The following SLC43A3 variants were observed in gnomAD, a reference collection of about 807,000 sequenced individuals.
The protein encoded by SLC43A3 is solute carrier family 43 member 3, also known as equilibrative nucleobase transporter 1.
A neutral mutation model predicts 53.3 loss-of-function variants in SLC43A3; 33 were observed. That is an observed-to-expected ratio of 0.62 (90% CI 0.47 to 0.83). The LOEUF (loss-of-function observed/expected upper bound fraction) is 0.83, where lower values mean the gene tolerates loss of function less well. Among genes scored for constraint, SLC43A3 ranks in the 40% least tolerant of loss-of-function variants. The pLI is 0.00. For synonymous variants in SLC43A3, 236 were observed against 246.2 expected (o/e 0.96, Z 0.39); for missense variants, 530 against 610.0 (o/e 0.87, Z 1.38).
chr11:57,415,408 G>A (rs571108644), intron 9 of SLC43A3: 67 of 1,377,186 alleles, frequency 4.9e-5, no homozygotes, highest in African/African-American at 1.3e-4. Context: ...CTTTCTCAGC[G>A]AGAAAGGTGA....
intron 8 of SLC43A3, among the ~76,000 whole-genome samples, chr11:57,417,186 T>C (rs1055327478): frequency 1.8e-4 from 27 of 152,206 alleles, no homozygotes; most frequent in Non-Finnish European, 3.5e-4. Flanking sequence ...CCTCTGTATT[T>C]CCCCCAATTT....
Position 57,409,967 on chromosome 11 carries a change from G to C in SLC43A3, c.1215C>G (p.Leu405=). The change falls in exon 12 of 14, where the codon CTC becomes CTG. Residue 405 remains leucine, a synonymous_variant. Coordinates refer to ENST00000395124, the MANE Select transcript of SLC43A3 (RefSeq NM_199329.3). ...FILQVISRSF[L]YGSNAAFLTL... is the part of the protein sequence containing the mutation. Reference sequence around the variant, plus strand: ...TGAGGAAGGCCGCGTTGCTCCCATAGAGGAAGGAGCGGCTGATCACTTGCA... The same window carrying C: ...TGAGGAAGGCCGCGTTGCTCCCATACAGGAAGGAGCGGCTGATCACTTGCA... The C allele has an allele frequency of 2.5e-6, 4 of 1,613,086 alleles. No homozygotes were observed. Among genetic ancestry groups the C allele is most frequent in the Non-Finnish European group, 1.7e-6 (2 of 1,179,692 alleles).
At chr11:57,421,444 C>G (rs1942984996) in intron 5 of SLC43A3, 71 bp from the exon 6 acceptor site, 2 of 1,097,248 alleles carry the variant, frequency 1.8e-6, no homozygotes, top group Admixed American at 3.9e-5. Flanking sequence ...AACTCTGCTC[C>G]CACCTGCTCC....
chr11:57,414,532 A>AT, intron 11 of SLC43A3, 83 bp downstream of exon 11: 2 of 556,132 alleles, frequency 3.6e-6, no homozygotes, highest in East Asian at 3.6e-5. Context: ...AAAAAAAAAA[A>AT]GAGCGAGAGA....
intron 8 of SLC43A3, among the ~76,000 whole-genome samples, chr11:57,417,209 A>T (rs1942760413): frequency 6.6e-6 from 1 of 152,248 alleles, no homozygotes; most frequent in African/African-American, 2.4e-5. Context: ...ATGAGACTGC[A>T]GCTCTATTTC....
intron 13 of SLC43A3, chr11:57,408,859 C>T (rs61888921): frequency 0.26 from 79,358 of 308,416 alleles, 10,978 homozygotes; most frequent in African/African-American, 0.36. Context: ...GCACAGAGGT[C>T]CTGTCCCTGG....
chr11:57,408,124 C>T (rs968576925), intron 13 of SLC43A3: 40 of 457,320 alleles, frequency 8.7e-5, no homozygotes, highest in Admixed American at 1.2e-4. Context: ...AAGCCCATTT[C>T]ACAGATAAAG....
intron 11 of SLC43A3, among the ~76,000 whole-genome samples, chr11:57,412,294 C>A (rs1565095511): frequency 6.6e-6 from 1 of 152,110 alleles, no homozygotes; most frequent in Non-Finnish European, 1.5e-5. Context: ...ATTTGAGCAT[C>A]AAGAAGAATC....
intron 8 of SLC43A3, 43 bp from the exon 9 acceptor site, chr11:57,416,713 G>A: frequency 1.4e-6 from 2 of 1,480,678 alleles, no homozygotes; most frequent in Non-Finnish European, 1.9e-6. Context: ...AGGACTGTGA[G>A]CCGAACCTGA....
intron 7 of SLC43A3, 141 bp from the exon 8 acceptor site, chr11:57,418,028 A>G (rs1305433642): frequency 1.3e-6 from 1 of 769,030 alleles, no homozygotes; most frequent in Non-Finnish European, 2.0e-6. Context: ...ACACAATGGA[A>G]TATTATTCAG....
intron 5 of SLC43A3, 75 bp downstream of exon 5, chr11:57,423,907 C>G: frequency 2.3e-6 from 3 of 1,285,894 alleles, no homozygotes; most frequent in Non-Finnish European, 3.4e-6. Context: ...TTGCCTATAG[C>G]CCTCTGCTCA....
intron 11 of SLC43A3, among the ~76,000 whole-genome samples, chr11:57,414,355 A>G (rs1168155593): frequency 6.6e-6 from 1 of 151,836 alleles, no homozygotes; most frequent in African/African-American, 2.4e-5. Context: ...AAAAAGACAA[A>G]AATTAGTGGG....
Position 57,426,234 on chromosome 11 carries a change from G to T in SLC43A3, c.-62C>A. 2 of 1,522,714 alleles carry T rather than the reference G, an allele frequency of 1.3e-6. No individual in the cohort carries two copies. 94.3% of individuals were successfully genotyped at this position (1,522,714 alleles called of 1,614,324 possible). On this transcript the variant is annotated 5_prime_UTR_variant, in exon 3 of 14. An upstream open reading frame in the 5' UTR gains an earlier in-frame stop. Coordinates refer to ENST00000395124, the MANE Select transcript of SLC43A3 (RefSeq NM_199329.3). ...TCCTCCTGGACGGATCACAGGCGCC[G>T]TAAGCCTGGCGTTTGAGCACTTGGA...
chr11:57,414,910 T>C (rs1221147523), intron 10 of SLC43A3, 23 bp downstream of exon 10: 1 of 1,610,866 alleles, frequency 6.2e-7, no homozygotes, highest in East Asian at 2.2e-5. Context: ...GCAGATGGGC[T>C]ACCTCCCAGC....
In SLC43A3 at chr11:57,416,653, C is replaced by T. The variant is rs755193769; in HGVS notation, c.689G>A (p.Gly230Asp). The part of the protein sequence containing the change: ...NYSYGLCPGN[G>D]TTKEEKETAE... The stretch of plus-strand genomic sequence containing the variant: ...TGTTTCCTTCTCTTCCTTTGTGGTG[C>T]CATTCCCAGGGCACAGGCTATGGAA... The change falls in exon 9 of 14, where the codon GGC becomes GAC. Residue 230 changes from glycine (G) to aspartate (D), a missense_variant. This residue lies in a region of SLC43A3 where 376 missense variants were observed against 386.7 expected (regional missense o/e 0.97). Transcript: ENST00000395124. 3 of 1,614,028 alleles carry T rather than the reference C, an allele frequency of 1.9e-6. No individual in the cohort carries two copies. The South Asian group carries it at 3.3e-5, about 18-fold the overall frequency.
At chr11:57,410,354 C>T (rs1942395983) in intron 11 of SLC43A3, among the ~76,000 whole-genome samples, 1 of 152,160 alleles carries the variant, frequency 6.6e-6, no homozygotes, top group Non-Finnish European at 1.5e-5. Context: ...TCTCCAACCC[C>T]ACTGACTCAT....
intron 4 of SLC43A3, 133 bp downstream of exon 4, chr11:57,425,408 C>T: frequency 1.1e-6 from 1 of 881,454 alleles, no homozygotes; most frequent in South Asian, 1.6e-5. Context: ...CTAACAGCTG[C>T]TGGGAGCGAG....
Position 57,421,334 on chromosome 11 carries a change from G to T in SLC43A3, c.401C>A (p.Thr134Asn). The T allele has an allele frequency of 1.2e-6, 2 of 1,613,852 alleles. No homozygotes were observed. The stretch of plus-strand genomic sequence containing the variant: ...GATGAGAAACAGGATTCCCCCAATG[G>T]TGAGCATTGGCATGGCCAGGAAGAG... ...VLLFLAMPML[T>N]IGGILFLITN... The change falls in exon 6 of 14, where the codon ACC (threonine) becomes AAC (asparagine). Residue 134 changes from threonine to asparagine, a missense_variant. Transcript: ENST00000395124.
At chr11:57,421,256 C>T (rs757148018) in intron 6 of SLC43A3, 41 bp downstream of exon 6, 11 of 1,553,256 alleles carry the variant, frequency 7.1e-6, no homozygotes, top group Middle Eastern at 3.4e-4. Flanking sequence ...TCCACCTTCC[C>T]GCCACCCTGC....
Sources: gnomAD v4.1 joint callset for allele counts (sites outside exome capture counted in the v4.1 genomes callset) on GRCh38, gnomAD v4.1.1 for gene constraint, gnomAD v4.1.1 regional missense constraint, MANE v1.5 for transcripts, NCBI Gene and HGNC (gene_info 2026-07-23, HGNC 2026-07-21) for gene names.